ITGAE: variants seen among roughly 807,000 people sequenced by gnomAD.
The protein encoded by ITGAE is integrin subunit alpha E, also known as integrin alpha-E.
A neutral mutation model predicts 136.5 loss-of-function variants in ITGAE; 99 were observed. That is an observed-to-expected ratio of 0.73 (90% CI 0.62 to 0.86). ITGAE has a LOEUF of 0.86. Among genes scored for constraint, ITGAE ranks in the 40% least tolerant of loss-of-function variants. The pLI, the probability that ITGAE is intolerant of heterozygous loss-of-function variation, is 0.00. For missense variants in ITGAE, 1,447 were observed against 1,515.3 expected (o/e 0.95, Z 0.75); for synonymous variants, 613 against 591.8 (o/e 1.04, Z -0.52).
chr17:3,720,397 T>C lies in ITGAE; in HGVS notation c.3243A>G (p.Leu1081=). The stretch of plus-strand genomic sequence containing the variant: ...GGATCTGCAGTTCAGTTACATCTTT[T>C]AGTAACTAGAAGATGGGGAAAGGAA... ...EISWDHSEEL[L]KDVTELQILG... is the part of the protein sequence containing the mutation. The change falls in exon 29 of 31, where the codon CTA becomes CTG. Residue 1081 remains leucine (L), a synonymous_variant. Coordinates refer to ENST00000263087, the MANE Select transcript of ITGAE (RefSeq NM_002208.5). The C allele has an allele frequency of 1.4e-6, 2 of 1,445,990 alleles. No homozygotes were observed. The highest frequency in any genetic ancestry group is 1.9e-6 in the Non-Finnish European group (2 of 1,026,804). 89.6% of individuals were successfully genotyped at this position (1,445,990 alleles called of 1,614,324 possible).
At chr17:3,776,725 T>C in intron 2 of ITGAE, among the ~76,000 whole-genome samples, 1 of 147,578 alleles carries the variant, frequency 6.8e-6, no homozygotes, top group Non-Finnish European at 1.5e-5. Context: ...GCCCAGACAG[T>C]TTTTGGTTTT....
intron 18 of ITGAE, 133 bp downstream of exon 18, chr17:3,745,631 C>T (rs1191399635): frequency 3.0e-5 from 27 of 892,618 alleles, no homozygotes; most frequent in South Asian, 3.5e-5. Flanking sequence ...CGTGAGCCAC[C>T]GTGCCTGGCC....
At chr17:3,754,373 G>C (rs993471397) in intron 12 of ITGAE, among the ~76,000 whole-genome samples, 1 of 152,162 alleles carries the variant, frequency 6.6e-6, no homozygotes, top group African/African-American at 2.4e-5. Context: ...CCGGGTTCAA[G>C]CGATTCTTGT....
chr17:3,748,730 C>T (rs1042173290), intron 16 of ITGAE, among the ~76,000 whole-genome samples: 1 of 152,186 alleles, frequency 6.6e-6, no homozygotes, highest in Admixed American at 6.5e-5. Flanking sequence ...GGGAAGAGCA[C>T]TCCAGGAAGA....
chr17:3,801,043 A>C (rs2053246816), intron 1 of ITGAE, 68 bp downstream of exon 1: 2 of 1,542,026 alleles, frequency 1.3e-6, no homozygotes, highest in East Asian at 2.2e-5. Flanking sequence ...TCAAGGCTGT[A>C]GTCTGCAGAC....
At chr17:3,757,403 C>G (rs1567537880) in intron 9 of ITGAE, among the ~76,000 whole-genome samples, 2 of 152,194 alleles carry the variant, frequency 1.3e-5, no homozygotes, top group African/African-American at 4.8e-5. Flanking sequence ...TCTGCCTCCC[C>G]TGTGCCCTAG....
Position 3,743,625 on chromosome 17 carries a change from G to A in ITGAE, c.2320-8C>T. The A allele has an allele frequency of 1.2e-6, 2 of 1,610,390 alleles. No homozygotes were observed. Among genetic ancestry groups the A allele is most frequent in the Non-Finnish European group, 1.7e-6 (2 of 1,178,716 alleles). ...GCAGTCCTCCTCACAGAGCTGTGGG[G>A]TCACCACGGAAGGCAGGGTTAGAGT... On this transcript the variant is annotated splice_region_variant and splice_polypyrimidine_tract_variant and intron_variant, in intron 18 of 30. Transcript: ENST00000263087.
chr17:3,753,858 T>C lies in ITGAE; in HGVS notation c.1452A>G (p.Lys484=). ...GGAGCTCAAACACGGCCCCATGATGTTTGTACCGTGGAGCCCCCGCGATGT... is the reference window on the plus strand; with the variant it reads ...GGAGCTCAAACACGGCCCCATGATGCTTGTACCGTGGAGCCCCCGCGATGT... The part of the protein sequence containing the change: ...LSYIAGAPRY[K]HHGAVFELQK... The change falls in exon 13 of 31, where the codon AAA becomes AAG. Residue 484 remains lysine, a synonymous_variant. Transcript: ENST00000263087. The C allele has an allele frequency of 6.2e-7, 1 of 1,614,126 alleles. No individual in the cohort carries two copies. The highest frequency in any genetic ancestry group is 8.5e-7 in the Non-Finnish European group (1 of 1,179,990).
chr17:3,743,933 C>T (rs1403554594), intron 18 of ITGAE, among the ~76,000 whole-genome samples: 1 of 151,394 alleles, frequency 6.6e-6, no homozygotes, highest in East Asian at 1.9e-4. Context: ...GAACTCCTGA[C>T]CTCAAGTGAT....
At chr17:3,795,497 GT>G (rs1424051367) in intron 1 of ITGAE, among the ~76,000 whole-genome samples, 2 of 152,254 alleles carry the variant, frequency 1.3e-5, no homozygotes, top group Admixed American at 6.5e-5. Flanking sequence ...TCAGAGAGGG[GT>G]GTGGTTTGTG....
rs781553727 is a variant in ITGAE, at chr17:3,728,056, A to G, written c.2977-30T>C. The G allele has an allele frequency of 3.1e-6, 5 of 1,605,270 alleles. No individual in the cohort carries two copies. The East Asian group carries it at 1.1e-4, about 36-fold the overall frequency. ...AAATTAAAATCAGAGTAGGAAATCAAAGCTGGTATTGCTTTGCCATCTACA... is the reference window on the plus strand; with the variant it reads ...AAATTAAAATCAGAGTAGGAAATCAGAGCTGGTATTGCTTTGCCATCTACA... On this transcript the variant is annotated intron_variant, in intron 25 of 30. Coordinates refer to ENST00000263087, the MANE Select transcript of ITGAE (RefSeq NM_002208.5).
At chr17:3,800,754 G>A (rs933858464) in intron 1 of ITGAE, among the ~76,000 whole-genome samples, 1 of 152,206 alleles carries the variant, frequency 6.6e-6, no homozygotes. Context: ...GCCAGGCGGA[G>A]CCTCCACACT....
Position 3,731,192 on chromosome 17 carries a change from A to C in ITGAE, c.2755-9T>G. 1 of 1,611,760 alleles carries C rather than the reference A, an allele frequency of 6.2e-7. No homozygotes were observed. Among genetic ancestry groups the C allele is most frequent in the Non-Finnish European group, 8.5e-7 (1 of 1,177,978 alleles). The stretch of plus-strand genomic sequence containing the variant: ...ACGACTGAAACATGAGCCTATTTTA[A>C]AGGGGGAAAAATGGTCAGTTGATTC... On this transcript the variant is annotated splice_polypyrimidine_tract_variant and intron_variant, in intron 22 of 30. Coordinates refer to ENST00000263087, the MANE Select transcript of ITGAE (RefSeq NM_002208.5).
chr17:3,785,307 A>G (rs1360846508), intron 1 of ITGAE, among the ~76,000 whole-genome samples: 1 of 152,050 alleles, frequency 6.6e-6, no homozygotes, highest in Non-Finnish European at 1.5e-5. Flanking sequence ...CATCTCTACT[A>G]AAAACACAAA....
At chr17:3,766,816 TAATAATAATAATA>T (rs1220323888) in intron 2 of ITGAE, among the ~76,000 whole-genome samples, 55 of 146,772 alleles carry the variant, frequency 3.7e-4, no homozygotes, top group African/African-American at 1.3e-3. Flanking sequence ...ATAATAATAA[TAATAATAATAATA>T]ATAATAATAA....
intron 20 of ITGAE, 104 bp downstream of exon 20, chr17:3,739,701 G>T: frequency 1.1e-6 from 1 of 951,096 alleles, no homozygotes; most frequent in Non-Finnish European, 1.7e-6. Flanking sequence ...GTGGGCCACG[G>T]GGAGAGGGGA....
At chr17:3,729,404 T>C in intron 24 of ITGAE, 74 bp downstream of exon 24, 1 of 905,374 alleles carries the variant, frequency 1.1e-6, no homozygotes. Context: ...ACCAGCTCCA[T>C]CTACGAGAGA....
At position 3,761,477 on chromosome 17, in the gene ITGAE, G is replaced by C. The variant is rs763187194; in HGVS notation, c.359C>G (p.Ser120Ter). The C allele has an allele frequency of 1.2e-6, 2 of 1,614,052 alleles. No homozygotes were observed. The highest frequency in any genetic ancestry group is 1.7e-5 in the Admixed American group (1 of 60,006). The change falls in exon 5 of 31, where the codon TCA (serine) becomes TGA (stop). Residue 120 changes from serine to a stop codon, truncating the protein, a stop_gained. Coordinates refer to ENST00000263087, the MANE Select transcript of ITGAE (RefSeq NM_002208.5). LOFTEE classifies it high-confidence loss of function. ...GAGGCTACAGGTGCCTGTGAGTTCT[G>C]AGCTGAGGCTGTGAGGCCGCCGGAC... ...VLVRRPHSLS[S>*]ELTGTCSLLG...
At chr17:3,794,161 T>A (rs973342541) in intron 1 of ITGAE, among the ~76,000 whole-genome samples, 3 of 152,150 alleles carry the variant, frequency 2.0e-5, no homozygotes, top group African/African-American at 7.2e-5. Context: ...GTATTTTTAG[T>A]AGAGACGGGG....
Sources: gnomAD v4.1 joint callset for allele counts (sites outside exome capture counted in the v4.1 genomes callset) on GRCh38, gnomAD v4.1.1 for gene constraint, MANE v1.5 for transcripts, NCBI Gene and HGNC (gene_info 2026-07-23, HGNC 2026-07-21) for gene names.